Variants in ZNF875 observed in about 807,000 individuals in gnomAD.
ZNF875 encodes HKR1, GLI-Kruppel zinc finger family member.
A neutral mutation model predicts 11.2 loss-of-function variants in ZNF875; 14 were observed. That is an observed-to-expected ratio of 1.26 (90% CI 0.83 to 1.96). The LOEUF (loss-of-function observed/expected upper bound fraction) is 1.96. Ranked by LOEUF, ZNF875 falls within the 30% of genes most tolerant of loss-of-function variation. The probability of loss-of-function intolerance (pLI) is 0.00; values close to 1 mark genes in which losing one functional copy is unlikely to be tolerated. For synonymous variants in ZNF875, 301 were observed against 281.1 expected (o/e 1.07, Z -0.71); for missense variants, 752 against 760.4 (o/e 0.99, Z 0.13).
In ZNF875 at chr19:37,362,188, G is replaced by T. The variant is rs1231051101; in HGVS notation, c.336G>T (p.Trp112Cys). 3 of 1,614,004 alleles carry T rather than the reference G, an allele frequency of 1.9e-6. No homozygotes were observed. The highest frequency in any genetic ancestry group is 2.7e-5 in the African/African-American group (2 of 74,912). ...SSQQALSQHVWLSHLSQLFSS... is the reference protein window; with the variant it reads ...SSQQALSQHVCLSHLSQLFSS... ...AGCAAGCTCTCAGCCAACATGTGTG[G>T]CTGAGTCATCTCTCTCAGCTGTTTT... is the stretch of plus-strand genomic sequence containing the variant. Residue 112 changes from tryptophan (W) to cysteine (C), a missense_variant, in exon 5 of 5, where the codon TGG (tryptophan) becomes TGT (cysteine). By Grantham distance (215) the Trp-to-Cys change is radical (BLOSUM62 -2). Transcript: ENST00000392153.
intron 3 of ZNF875, 68 bp from the exon 4 acceptor site, chr19:37,347,709 C>A: frequency 1.0e-6 from 1 of 971,712 alleles, no homozygotes; most frequent in Non-Finnish European, 1.7e-6. Context: ...CCCATTTCAG[C>A]TCTGAGTTCT....
In ZNF875 at chr19:37,363,720, G is replaced by T. The variant is rs201641868; in HGVS notation, c.1868G>T (p.Arg623Leu). The stretch of plus-strand genomic sequence containing the variant: ...CCTTATATTTGCAGAAAGTGTGGAC[G>T]GGGCTTTAGTCGGAAGTCCAACCTT... ...EKPYICRKCG[R>L]GFSRKSNLIR... The change falls in exon 5 of 5, where the codon CGG becomes CTG. Residue 623 changes from arginine (R) to leucine (L), a missense_variant. Coordinates refer to ENST00000392153, the MANE Select transcript of ZNF875 (RefSeq NM_001353803.2). 13 of 1,613,954 alleles carry T rather than the reference G, an allele frequency of 8.1e-6. No homozygotes were observed. The South Asian group carries it at 1.3e-4, about 16-fold the overall frequency.
intron 4 of ZNF875, among the ~76,000 whole-genome samples, chr19:37,356,329 G>A (rs2038904243): frequency 6.6e-6 from 1 of 152,142 alleles, no homozygotes; most frequent in Non-Finnish European, 1.5e-5. Context: ...AGTTCCTTGA[G>A]AAATTTCCAT....
chr19:37,342,579 A>C (rs1358103659), intron 2 of ZNF875, among the ~76,000 whole-genome samples: 1 of 151,812 alleles, frequency 6.6e-6, no homozygotes. Context: ...CACCTGGGTA[A>C]TTTTGTATTT....
chr19:37,351,241 A>G (rs1463902236), intron 4 of ZNF875, among the ~76,000 whole-genome samples: 1 of 152,150 alleles, frequency 6.6e-6, no homozygotes, highest in Admixed American at 6.5e-5. Flanking sequence ...TAATGTTCAT[A>G]ATATTCCCAA....
chr19:37,337,948 T>G (rs2145986546), intron 2 of ZNF875, among the ~76,000 whole-genome samples: 1 of 152,302 alleles, frequency 6.6e-6, no homozygotes, highest in Admixed American at 6.5e-5. Context: ...AGAGATTTCT[T>G]AATTCTGGAC....
In ZNF875 at chr19:37,363,457, G is replaced by A. The variant is rs763746070; in HGVS notation, c.1605G>A (p.Met535Ile). 1.9e-6 allele frequency: 3 copies of A among 1,613,786 alleles called. No homozygotes were observed. Among genetic ancestry groups the A allele is most frequent in the East Asian group, 4.5e-5 (2 of 44,842 alleles). ...QRTHSGEKPF[M>I]CRECGRRFRQ... ...CACATTCAGGGGAAAAGCCTTTTATGTGCAGGGAGTGTGGCAGAAGGTTTC... is the reference window on the plus strand; with the variant it reads ...CACATTCAGGGGAAAAGCCTTTTATATGCAGGGAGTGTGGCAGAAGGTTTC... Residue 535 changes from methionine to isoleucine, a missense_variant, in exon 5 of 5, where the codon ATG (methionine) becomes ATA (isoleucine). Transcript: ENST00000392153.
chr19:37,320,883 A>G (rs1347421180), intron 1 of ZNF875, among the ~76,000 whole-genome samples: 1 of 152,204 alleles, frequency 6.6e-6, no homozygotes, highest in Non-Finnish European at 1.5e-5. Context: ...AAGAAAAATT[A>G]TTCTGCCTTG....
intron 4 of ZNF875, among the ~76,000 whole-genome samples, chr19:37,357,440 C>T (rs1056092180): frequency 6.6e-6 from 1 of 152,128 alleles, no homozygotes; most frequent in Non-Finnish European, 1.5e-5. Context: ...ATCATTTTAA[C>T]TATATTGATT....
intron 4 of ZNF875, among the ~76,000 whole-genome samples, chr19:37,357,345 G>C (rs904764260): frequency 3.9e-5 from 6 of 152,110 alleles, no homozygotes; most frequent in Non-Finnish European, 7.4e-5. Context: ...GTTTTTTCTA[G>C]TTCTGTTAGA....
At chr19:37,315,009 C>T (rs937537905), upstream of ZNF875, 1 of 152,108 alleles carries the variant, frequency 6.6e-6, no homozygotes, top group East Asian at 1.9e-4. Flanking sequence ...TTTTCATTAC[C>T]TTGAAGTAAA....
intron 2 of ZNF875, among the ~76,000 whole-genome samples, chr19:37,345,389 G>A (rs563295909): frequency 6.6e-6 from 1 of 152,328 alleles, no homozygotes; most frequent in African/African-American, 2.4e-5. Context: ...AGCCAGTGTA[G>A]AATAGTGGAG....
Position 37,363,879 on chromosome 19 carries a change from T to G in ZNF875, c.*104T>G. 2 of 890,652 alleles carry G rather than the reference T, an allele frequency of 2.2e-6. No homozygotes were observed. The highest frequency in any genetic ancestry group is 3.5e-6 in the Non-Finnish European group (2 of 565,662). 55.2% of individuals were successfully genotyped at this position (890,652 alleles called of 1,614,324 possible). ...GTGCTGTGGCTTTTTCAGCCATTGC[T>G]AGATACCAAAGTGGAGACATTCTGT... On this transcript the variant is annotated 3_prime_UTR_variant, in exon 5 of 5. Coordinates refer to ENST00000392153, the MANE Select transcript of ZNF875 (RefSeq NM_001353803.2).
chr19:37,348,657 C>A (rs1341073246), intron 4 of ZNF875, among the ~76,000 whole-genome samples: 3 of 152,098 alleles, frequency 2.0e-5, no homozygotes, highest in Non-Finnish European at 4.4e-5. Flanking sequence ...AATTATAATA[C>A]AATTCATTTA....
upstream of ZNF875, among the ~76,000 whole-genome samples, chr19:37,316,127 G>A (rs2030174110): frequency 6.6e-6 from 1 of 152,132 alleles, no homozygotes; most frequent in African/African-American, 2.4e-5. Flanking sequence ...CACTGTGATC[G>A]GAACTAAAGC....
chr19:37,347,508 C>T, intron 3 of ZNF875, 192 bp downstream of exon 3: 1 of 624,096 alleles, frequency 1.6e-6, no homozygotes, highest in Non-Finnish European at 2.8e-6. Context: ...TTATGGATGA[C>T]ACTACATTTC....
chr19:37,318,825 A>C (rs908396528), intron 1 of ZNF875, among the ~76,000 whole-genome samples: 1 of 151,620 alleles, frequency 6.6e-6, no homozygotes, highest in African/African-American at 2.4e-5. Context: ...CCAGCTTATA[A>C]AATCATATTT....
intron 4 of ZNF875, among the ~76,000 whole-genome samples, chr19:37,360,030 G>A (rs1600220025): frequency 1.3e-5 from 2 of 152,146 alleles, no homozygotes; most frequent in South Asian, 4.2e-4. Flanking sequence ...TTTCTTCACT[G>A]GTTTCTTCTA....
chr19:37,354,977 C>T (rs959395673), intron 4 of ZNF875, among the ~76,000 whole-genome samples: 4 of 152,156 alleles, frequency 2.6e-5, no homozygotes, highest in African/African-American at 9.6e-5. Flanking sequence ...TCTGTTATAG[C>T]AATACAAAAC....
Sources: gnomAD v4.1 joint callset for allele counts (sites outside exome capture counted in the v4.1 genomes callset) on GRCh38, gnomAD v4.1.1 for gene constraint, MANE v1.5 for transcripts, NCBI Gene and HGNC (gene_info 2026-07-23, HGNC 2026-07-21) for gene names.